The following FRMPD2 variants were observed in gnomAD, a reference collection of about 807,000 sequenced individuals.
FRMPD2 encodes the protein FERM and PDZ domain-containing protein 2.
In FRMPD2, 96 loss-of-function variants were observed where a neutral mutation model predicts 140.1. The observed-to-expected ratio is 0.69, with a 90% CI of 0.58 to 0.81. The LOEUF (loss-of-function observed/expected upper bound fraction) is 0.81, where lower values mean the gene tolerates loss of function less well. Ranked by LOEUF, FRMPD2 falls within the 40% of genes least tolerant of loss-of-function variation. The probability of loss-of-function intolerance (pLI) is 0.00; values close to 1 mark genes in which losing one functional copy is unlikely to be tolerated. For synonymous variants in FRMPD2, 449 were observed against 547.6 expected (o/e 0.82, Z 2.52); for missense variants, 1,240 against 1,447.4 (o/e 0.86, Z 2.32).
At chr10:48,273,054 T>C (rs75789034) in intron 1 of FRMPD2, among the ~76,000 whole-genome samples, 2,101 of 152,344 alleles carry the variant, frequency 0.014, 54 homozygotes, top group African/African-American at 0.048. Flanking sequence ...TTTTATATTT[T>C]ATTACTTGTA....
chr10:48,237,101 GA>G (rs1839984077), intron 8 of FRMPD2, among the ~76,000 whole-genome samples: 1 of 149,990 alleles, frequency 6.7e-6, no homozygotes, highest in Admixed American at 6.6e-5. Flanking sequence ...TTTTACAGGT[GA>G]GGAAGTTGAG....
chr10:48,172,481 T>G (rs1445517407), intron 25 of FRMPD2, among the ~76,000 whole-genome samples: 1 of 152,206 alleles, frequency 6.6e-6, no homozygotes, highest in Non-Finnish European at 1.5e-5. Context: ...GTTTTGTCCC[T>G]CTAAACGATC....
intron 7 of FRMPD2, among the ~76,000 whole-genome samples, chr10:48,238,389 G>A (rs779804061): frequency 2.6e-5 from 4 of 152,192 alleles, no homozygotes; most frequent in Non-Finnish European, 5.9e-5. Context: ...TTACCTCTCT[G>A]TTTGTGGTGC....
intron 24 of FRMPD2, among the ~76,000 whole-genome samples, chr10:48,174,377 C>T (rs1328207069): frequency 6.6e-6 from 1 of 152,242 alleles, no homozygotes; most frequent in South Asian, 2.1e-4. Flanking sequence ...TGAATTCCTA[C>T]CTCATTGTGA....
chr10:48,198,891 T>C lies in FRMPD2; in HGVS notation c.1954+2337A>G, dbSNP rs377412329. ...ATTTCACTCTCAGCCTGAGATGCTG[T>C]TGGTGTATAGAGATGCTACTGATGT... On this transcript the variant is annotated intron_variant, in intron 15 of 28. Coordinates refer to ENST00000374201, the MANE Select transcript of FRMPD2 (RefSeq NM_001018071.4). Among the ~76,000 whole-genome samples, 8 of 152,320 alleles carry C rather than the reference T, an allele frequency of 5.3e-5. No individual in the cohort carries two copies. The East Asian group carries it at 9.6e-4, about 18-fold the overall frequency.
intron 18 of FRMPD2, among the ~76,000 whole-genome samples, 190 bp downstream of exon 18, chr10:48,185,362 GA>G (rs1341729396): frequency 1.3e-5 from 2 of 152,006 alleles, no homozygotes; most frequent in African/African-American, 4.8e-5. Flanking sequence ...GAAAAACTTG[GA>G]AACAAAAGTC....
intron 9 of FRMPD2, among the ~76,000 whole-genome samples, chr10:48,235,879 G>A (rs1839955572): frequency 6.6e-6 from 1 of 152,086 alleles, no homozygotes; most frequent in African/African-American, 2.4e-5. Context: ...GGGCAGGGAA[G>A]GGACAGCCCA....
intron 6 of FRMPD2, 140 bp from the exon 7 acceptor site, chr10:48,239,832 T>A: frequency 3.2e-6 from 2 of 622,440 alleles, no homozygotes; most frequent in African/African-American, 1.8e-5. Flanking sequence ...TCTGAATCTG[T>A]TTCCTCATGT....
Position 48,249,172 on chromosome 10 carries a change from G to T in FRMPD2, c.158C>A (p.Ser53Ter). Residue 53 changes from serine (S) to a stop codon, truncating the protein, a stop_gained, in exon 3 of 29, where the codon TCG becomes TAG. Coordinates refer to ENST00000374201, the MANE Select transcript of FRMPD2 (RefSeq NM_001018071.4). LOFTEE classifies it high-confidence loss of function. The part of the protein sequence containing the change: ...QLLEDLRNDS[S>*]DYVVCPWSAL... ...TGACCAGGGGCAAACCACATAGTCC[G>T]AGGAATCTGAAACCAAGCCAGTGAT... 1 of 1,613,786 alleles carries T rather than the reference G, an allele frequency of 6.2e-7. No individual in the cohort carries two copies. The highest frequency in any genetic ancestry group is 1.1e-5 in the South Asian group (1 of 91,034).
Position 48,271,185 on chromosome 10 carries a change from C to T in FRMPD2, c.25+3358G>A, listed in dbSNP as rs147139506. On this transcript the variant is annotated intron_variant, in intron 1 of 28. Transcript: ENST00000374201. ...CCCATGGCCTTTTTCCAGCCTTAGA[C>T]GCACCACAACCCCCTTGCCTCCTGT... 7.6e-4 allele frequency among the ~76,000 whole-genome samples: 115 copies of T among 152,264 alleles called. 1 individual carries two copies. In the East Asian group the frequency reaches 0.019, roughly 25 times the overall value.
chr10:48,263,159 TGAAG>T (rs1174268457), intron 1 of FRMPD2, among the ~76,000 whole-genome samples: 1 of 152,216 alleles, frequency 6.6e-6, no homozygotes, highest in East Asian at 1.9e-4. Context: ...TGAGATGCAA[TGAAG>T]GAAGTACTTA....
intron 12 of FRMPD2, among the ~76,000 whole-genome samples, chr10:48,218,714 A>G (rs1192997471): frequency 6.6e-6 from 1 of 152,162 alleles, no homozygotes; most frequent in Non-Finnish European, 1.5e-5. Flanking sequence ...TGGAGAGTGG[A>G]ATTGGAAAGC....
At chr10:48,179,770 A>C (rs1260859094) in intron 21 of FRMPD2, among the ~76,000 whole-genome samples, 1 of 152,164 alleles carries the variant, frequency 6.6e-6, no homozygotes, top group African/African-American at 2.4e-5. Flanking sequence ...CTCCATCATA[A>C]AAAGAGAAAC....
At chr10:48,228,295 A>G (rs946564736) in intron 10 of FRMPD2, among the ~76,000 whole-genome samples, 2 of 151,924 alleles carry the variant, frequency 1.3e-5, no homozygotes, top group African/African-American at 4.8e-5. Flanking sequence ...TAAGCTTTTC[A>G]ACAATGATTA....
intron 9 of FRMPD2, among the ~76,000 whole-genome samples, chr10:48,235,669 T>C (rs1839950587): frequency 6.6e-6 from 1 of 152,198 alleles, no homozygotes; most frequent in Non-Finnish European, 1.5e-5. Flanking sequence ...AAGTTGACAA[T>C]GTGTGCGCTT....
intron 12 of FRMPD2, among the ~76,000 whole-genome samples, chr10:48,221,796 T>C (rs1286081243): frequency 6.6e-6 from 1 of 152,160 alleles, no homozygotes; most frequent in East Asian, 1.9e-4. Flanking sequence ...GAGAGCTCAG[T>C]GAATGCTTTC....
At chr10:48,260,420 G>A (rs1226774180) in intron 1 of FRMPD2, among the ~76,000 whole-genome samples, 1 of 151,990 alleles carries the variant, frequency 6.6e-6, no homozygotes, top group African/African-American at 2.4e-5. Context: ...AGCTGGGTAG[G>A]AAAAAAGGGA....
chr10:48,170,350 C>G (rs1838208003), intron 26 of FRMPD2, among the ~76,000 whole-genome samples: 2 of 152,174 alleles, frequency 1.3e-5, no homozygotes, highest in African/African-American at 4.8e-5. Flanking sequence ...CAGCGAGTCC[C>G]CTCCAACAGC....
intron 14 of FRMPD2, among the ~76,000 whole-genome samples, chr10:48,205,507 T>C (rs1839182155): frequency 6.6e-6 from 1 of 152,210 alleles, no homozygotes; most frequent in African/African-American, 2.4e-5. Context: ...AAATAGTGCA[T>C]TGAAAAATCT....
Sources: allele counts gnomAD v4.1 joint callset (sites outside exome capture counted in the v4.1 genomes callset), GRCh38; gene constraint gnomAD v4.1.1; transcripts MANE v1.5; gene names NCBI Gene and HGNC (gene_info 2026-07-23, HGNC 2026-07-21).